TFPI: variants seen among roughly 807,000 people sequenced by gnomAD.
TFPI encodes tissue factor pathway inhibitor.
In TFPI, 15 loss-of-function variants were observed where a neutral mutation model predicts 34.6. That is an observed-to-expected ratio of 0.43 (90% CI 0.29 to 0.67). The LOEUF is 0.67. TFPI is among the 30% of genes least tolerant of loss of function. The probability of loss-of-function intolerance (pLI) is 0.15; values close to 1 mark genes in which losing one functional copy is unlikely to be tolerated. For synonymous variants in TFPI, 105 were observed against 120.1 expected (o/e 0.87, Z 0.82); for missense variants, 301 against 364.0 (o/e 0.83, Z 1.41).
intron 1 of TFPI, among the ~76,000 whole-genome samples, chr2:187,551,125 C>A (rs1029627600): frequency 6.6e-6 from 1 of 152,084 alleles, no homozygotes; most frequent in African/African-American, 2.4e-5. Flanking sequence ...GTTGAAATAG[C>A]TTTCTTATGC....
At chr2:187,549,027 A>G (rs1689000550) in intron 1 of TFPI, among the ~76,000 whole-genome samples, 1 of 152,128 alleles carries the variant, frequency 6.6e-6, no homozygotes, top group Non-Finnish European at 1.5e-5. Flanking sequence ...TCAGCACCAG[A>G]TCATTTCTTT....
chr2:187,465,031 T>G lies in TFPI; in HGVS notation c.*1905A>C, dbSNP rs1691648689. The stretch of plus-strand genomic sequence containing the variant: ...TCAGTGTACAGTGAGCATTCTTAAC[T>G]AAATCAAAGTAGTCATGAAAGAAAG... On this transcript the variant is annotated 3_prime_UTR_variant, in exon 8 of 8. Coordinates refer to ENST00000233156, the MANE Select transcript of TFPI (RefSeq NM_006287.6). The G allele has an allele frequency of 6.6e-6, 1 of 152,192 alleles. No individual in the cohort carries two copies. The highest frequency in any genetic ancestry group is 1.5e-5 in the Non-Finnish European group (1 of 68,040). 9.4% of individuals were successfully genotyped at this position (152,192 alleles called of 1,614,324 possible). A position where few individuals can be genotyped will look rare whatever the true frequency, so the allele number is the denominator to read the frequency against.
In TFPI at chr2:187,470,888, T is replaced by G. The variant is rs8176578; in HGVS notation, c.629-2956A>C. On this transcript the variant is annotated intron_variant, in intron 6 of 7. Transcript: ENST00000233156. ...GCAGATGCACCTATAATCAGATACTTGCTCCTACTTGTCCATGACTGATGC... is the reference window on the plus strand; with the variant it reads ...GCAGATGCACCTATAATCAGATACTGGCTCCTACTTGTCCATGACTGATGC... Among the ~76,000 whole-genome samples the G allele has an allele frequency of 4.6e-3, 697 of 152,308 alleles. 4 individuals are homozygous for G. The highest frequency in any genetic ancestry group is 0.016 in the African/African-American group (673 of 41,564).
At chr2:187,478,424 C>T (rs571934264) in intron 6 of TFPI, among the ~76,000 whole-genome samples, 1 of 152,058 alleles carries the variant, frequency 6.6e-6, no homozygotes, top group Admixed American at 6.5e-5. Flanking sequence ...TGTATGGAAG[C>T]AAAGGGATGT....
At position 187,493,251 on chromosome 2, in the gene TFPI, C is replaced by T. The variant is rs538997078; in HGVS notation, c.319+3630G>A. 5.1e-4 allele frequency among the ~76,000 whole-genome samples: 77 copies of T among 152,244 alleles called. 1 individual carries two copies. Among genetic ancestry groups the T allele is most frequent in the African/African-American group, 1.6e-3 (68 of 41,560 alleles). On this transcript the variant is annotated intron_variant, in intron 3 of 7. Transcript: ENST00000233156. Reference sequence around the variant, plus strand: ...ATACCATGTGGAAGTTGCCAAGGCTCGAGGCTTGCACCCTCTGAAGCTCTG... The same window carrying T: ...ATACCATGTGGAAGTTGCCAAGGCTTGAGGCTTGCACCCTCTGAAGCTCTG...
chr2:187,478,895 A>C, intron 6 of TFPI: 1 of 961,516 alleles, frequency 1.0e-6, no homozygotes, highest in Non-Finnish European at 1.6e-6. Context: ...AAGTCTATAA[A>C]CTGTATAGTA....
intron 1 of TFPI, among the ~76,000 whole-genome samples, chr2:187,511,579 C>T (rs1686636609): frequency 6.6e-6 from 1 of 152,040 alleles, no homozygotes; most frequent in African/African-American, 2.4e-5. Context: ...TACTCTGACA[C>T]CAGGAAAAGT....
chr2:187,536,030 C>T (rs921964001), intron 1 of TFPI, among the ~76,000 whole-genome samples: 1 of 151,984 alleles, frequency 6.6e-6, no homozygotes, highest in Non-Finnish European at 1.5e-5. Flanking sequence ...AAGACTAAAC[C>T]AGGAAGAAGT....
chr2:187,504,064 C>T (rs2192824), intron 1 of TFPI, among the ~76,000 whole-genome samples: 47,933 of 151,896 alleles, frequency 0.32, 8,680 homozygotes, highest in Non-Finnish European at 0.41. Flanking sequence ...CATGGGTAAA[C>T]GCTGATCAAT....
chr2:187,539,821 A>G (rs1384988978), intron 1 of TFPI, among the ~76,000 whole-genome samples: 2 of 152,058 alleles, frequency 1.3e-5, no homozygotes, highest in African/African-American at 2.4e-5. Flanking sequence ...CTGAATAAAC[A>G]TGTTTTGTAT....
chr2:187,527,370 A>C lies in TFPI; in HGVS notation c.-2-23600T>G, dbSNP rs145326730. On this transcript the variant is annotated intron_variant, in intron 1 of 7. Coordinates refer to ENST00000233156, the MANE Select transcript of TFPI (RefSeq NM_006287.6). ...TATTTCCCCAATGGAGAACTTGCATAATCTCAGGGAGAGGTTTGAGAGCCA... is the reference window on the plus strand; with the variant it reads ...TATTTCCCCAATGGAGAACTTGCATCATCTCAGGGAGAGGTTTGAGAGCCA... The C allele has an allele frequency of 3.7e-3, 560 of 152,300 alleles. 1 individual carries two copies. The highest frequency in any genetic ancestry group is 0.012 in the African/African-American group (517 of 41,572). The allele number at this position is 152,300 out of a possible 1,614,324, so 9.4% of individuals were successfully genotyped here.
intron 1 of TFPI, among the ~76,000 whole-genome samples, chr2:187,520,189 G>T (rs1458054849): frequency 6.6e-6 from 1 of 152,060 alleles, no homozygotes; most frequent in African/African-American, 2.4e-5. Context: ...AGGCACCACT[G>T]GGGTATGAAA....
In TFPI at chr2:187,464,522, A is replaced by G. The variant is rs758514827; in HGVS notation, c.*2414T>C. 6.6e-6 allele frequency: 1 copy of G among 152,200 alleles called. No individual in the cohort carries two copies. Among genetic ancestry groups the G allele is most frequent in the Non-Finnish European group, 1.5e-5 (1 of 68,026 alleles). 9.4% of individuals were successfully genotyped at this position (152,200 alleles called of 1,614,324 possible). ...CAGTATATGTCTTTCTTGAGTAAGT[A>G]GTGAACCAATGGACCAGTGGTTATT... On this transcript the variant is annotated 3_prime_UTR_variant, in exon 8 of 8. Coordinates refer to ENST00000233156, the MANE Select transcript of TFPI (RefSeq NM_006287.6).
chr2:187,493,218 C>T (rs1439752871), intron 3 of TFPI, among the ~76,000 whole-genome samples: 4 of 152,196 alleles, frequency 2.6e-5, no homozygotes, highest in Non-Finnish European at 5.9e-5. Flanking sequence ...GGTATACTCT[C>T]AGGCTCAATA....
At chr2:187,487,816 A>T (rs1693394611) in intron 4 of TFPI, among the ~76,000 whole-genome samples, 1 of 151,488 alleles carries the variant, frequency 6.6e-6, no homozygotes, top group African/African-American at 2.4e-5. Context: ...TTTTGCATGT[A>T]TAACTGCTGA....
intron 1 of TFPI, among the ~76,000 whole-genome samples, chr2:187,543,899 G>T (rs1319095252): frequency 6.6e-6 from 1 of 152,126 alleles, no homozygotes; most frequent in Non-Finnish European, 1.5e-5. Flanking sequence ...TGTTACTGAA[G>T]CTGCAATCTT....
chr2:187,486,323 A>C (rs994297299), intron 4 of TFPI, among the ~76,000 whole-genome samples: 1 of 151,624 alleles, frequency 6.6e-6, no homozygotes, highest in African/African-American at 2.4e-5. Flanking sequence ...ACTTTTTATG[A>C]AATTTTAAAT....
intron 1 of TFPI, among the ~76,000 whole-genome samples, chr2:187,536,046 G>T (rs560430745): frequency 6.6e-6 from 1 of 151,906 alleles, no homozygotes; most frequent in African/African-American, 2.4e-5. Context: ...GAAGTCAAAC[G>T]CCTGAATAGA....
chr2:187,498,514 G>A (rs550727252), intron 2 of TFPI, among the ~76,000 whole-genome samples: 2 of 151,690 alleles, frequency 1.3e-5, no homozygotes, highest in Non-Finnish European at 3.0e-5. Flanking sequence ...TACAATCTTG[G>A]AAGGATTAAA....
Sources: allele counts gnomAD v4.1 joint callset (sites outside exome capture counted in the v4.1 genomes callset), GRCh38; gene constraint gnomAD v4.1.1; transcripts MANE v1.5; gene names NCBI Gene and HGNC (gene_info 2026-07-23, HGNC 2026-07-21).